Variants in DOCK2 observed in about 807,000 individuals in gnomAD.
The protein encoded by DOCK2 is dedicator of cytokinesis 2.
Under a neutral mutation model 248.9 loss-of-function variants are expected in DOCK2, and 87 were observed. The observed-to-expected ratio is 0.35, with a 90% confidence interval of 0.29 to 0.42. The LOEUF is 0.42. DOCK2 is among the 10% of genes least tolerant of loss of function. The pLI, the probability that DOCK2 is intolerant of heterozygous loss-of-function variation, is 1.00. For missense variants in DOCK2, 1,747 were observed against 2,300.2 expected (o/e 0.76, Z 4.92); for synonymous variants, 805 against 821.6 (o/e 0.98, Z 0.35).
chr5:169,890,725 C>T (rs1773231966), intron 27 of DOCK2, among the ~76,000 whole-genome samples: 1 of 152,054 alleles, frequency 6.6e-6, no homozygotes, highest in African/African-American at 2.4e-5. Context: ...TATTTGGGAC[C>T]CTGAAAGATG....
chr5:169,725,528 CTT>C lies in DOCK2; in HGVS notation c.2267+6738_2267+6739del, dbSNP rs577198891. Reference sequence around the variant, plus strand: ...TTATTTTTCTTTTTTAAAATTATATCTTAAGTTCTAGGGTACATGTGCACAAA... The same window carrying C: ...TTATTTTTCTTTTTTAAAATTATATCAAGTTCTAGGGTACATGTGCACAAA... On this transcript the variant is annotated intron_variant, in intron 22 of 51. Transcript: ENST00000520908. Among the ~76,000 whole-genome samples the C allele has an allele frequency of 4.4e-3, 665 of 151,646 alleles. 3 individuals carry two copies. Among genetic ancestry groups the C allele is most frequent in the Non-Finnish European group, 6.3e-3 (427 of 67,900 alleles).
At chr5:169,640,149 T>C (rs1757071579) in intron 1 of DOCK2, among the ~76,000 whole-genome samples, 1 of 152,244 alleles carries the variant, frequency 6.6e-6, no homozygotes, top group Non-Finnish European at 1.5e-5. Flanking sequence ...TCTCCGAATA[T>C]GCACTTATCT....
At chr5:169,875,425 C>A in intron 27 of DOCK2, 1 of 397,916 alleles carries the variant, frequency 2.5e-6, no homozygotes, top group Non-Finnish European at 5.0e-6. Flanking sequence ...CTGAGTGGAA[C>A]TCAGTGACAA....
chr5:169,808,798 A>G (rs1456274776), intron 26 of DOCK2, among the ~76,000 whole-genome samples: 1 of 152,060 alleles, frequency 6.6e-6, no homozygotes, highest in Non-Finnish European at 1.5e-5. Flanking sequence ...GTTGTTTGCT[A>G]CTCTGCTTAG....
intron 27 of DOCK2, among the ~76,000 whole-genome samples, chr5:169,860,070 A>C (rs539909073): frequency 2.8e-5 from 4 of 144,500 alleles, no homozygotes; most frequent in African/African-American, 1.0e-4. Context: ...GGTTTAAGCT[A>C]TCCTCCTGCC....
intron 2 of DOCK2, among the ~76,000 whole-genome samples, chr5:169,659,289 A>G (rs953474085): frequency 6.6e-6 from 1 of 152,134 alleles, no homozygotes; most frequent in Non-Finnish European, 1.5e-5. Flanking sequence ...TAGGTTTCTC[A>G]TCTGTTAAGT....
intron 28 of DOCK2, among the ~76,000 whole-genome samples, chr5:169,984,081 A>G (rs972534756): frequency 3.9e-5 from 6 of 152,216 alleles, no homozygotes; most frequent in African/African-American, 1.4e-4. Flanking sequence ...ATGATTGAAC[A>G]TACACATTTT....
chr5:169,880,888 A>G lies in DOCK2; in HGVS notation c.2799+40036A>G, dbSNP rs369128956. Among the ~76,000 whole-genome samples the G allele has an allele frequency of 1.3e-3, 200 of 152,354 alleles. 5 individuals carry two copies. In the South Asian group the frequency reaches 0.04, roughly 30 times the overall value. ...GGAAATGACATACTTAGAAATGAAC[A>G]TAAAGTTCTTATCATGGTTCTTGAC... On this transcript the variant is annotated intron_variant, in intron 27 of 51. Coordinates refer to ENST00000520908, the MANE Select transcript of DOCK2 (RefSeq NM_004946.3).
chr5:170,045,571 G>A (rs962339229), intron 38 of DOCK2, among the ~76,000 whole-genome samples: 2 of 152,298 alleles, frequency 1.3e-5, no homozygotes, highest in East Asian at 1.9e-4. Flanking sequence ...ATCAGAGCAC[G>A]TAAATAAAGG....
At chr5:169,762,732 C>A (rs909527855) in intron 25 of DOCK2, among the ~76,000 whole-genome samples, 22 of 152,318 alleles carry the variant, frequency 1.4e-4, no homozygotes, top group African/African-American at 5.1e-4. Context: ...TAAGACCCAG[C>A]CTCTCCAATT....
chr5:169,767,846 C>T (rs1283210977), intron 25 of DOCK2, among the ~76,000 whole-genome samples: 1 of 152,020 alleles, frequency 6.6e-6, no homozygotes, highest in African/African-American at 2.4e-5. Flanking sequence ...AACCTAATGG[C>T]CTAGAAAGTT....
intron 30 of DOCK2, among the ~76,000 whole-genome samples, chr5:170,003,089 A>T (rs1044899287): frequency 1.3e-5 from 2 of 152,230 alleles, no homozygotes; most frequent in South Asian, 4.1e-4. Context: ...TGTGGAGCTT[A>T]CAATTGGAGA....
chr5:169,953,958 G>C (rs549350756), intron 27 of DOCK2, among the ~76,000 whole-genome samples: 1 of 152,178 alleles, frequency 6.6e-6, no homozygotes, highest in Non-Finnish European at 1.5e-5. Flanking sequence ...TTAATGCATG[G>C]CAAAGGCTTC....
intron 25 of DOCK2, among the ~76,000 whole-genome samples, chr5:169,791,378 A>T (rs1002132254): frequency 1.3e-5 from 2 of 152,188 alleles, no homozygotes; most frequent in Non-Finnish European, 1.5e-5. Context: ...TGGACTAAAG[A>T]CTCAACCACT....
intron 26 of DOCK2, among the ~76,000 whole-genome samples, chr5:169,827,988 C>T (rs1232270715): frequency 6.6e-6 from 1 of 152,070 alleles, no homozygotes; most frequent in South Asian, 2.1e-4. Flanking sequence ...AGGAGAAATG[C>T]CCTTGTCCTA....
intron 27 of DOCK2, among the ~76,000 whole-genome samples, chr5:169,859,890 T>A (rs1031473908): frequency 1.3e-5 from 2 of 152,112 alleles, no homozygotes. Flanking sequence ...TATGTGCCCA[T>A]GTGCTCTTTT....
chr5:169,997,939 T>C (rs1214757401), intron 30 of DOCK2: 1 of 456,370 alleles, frequency 2.2e-6, no homozygotes, highest in South Asian at 1.5e-5. Context: ...GTGAGTCATC[T>C]GTAAAATGCA....
At chr5:169,839,057 A>G (rs1157979066) in intron 26 of DOCK2, among the ~76,000 whole-genome samples, 1 of 152,170 alleles carries the variant, frequency 6.6e-6, no homozygotes, top group Non-Finnish European at 1.5e-5. Flanking sequence ...AGCTTGCTGG[A>G]GTACTTGTAA....
At chr5:170,070,675 G>A (rs1378155355) in intron 46 of DOCK2, among the ~76,000 whole-genome samples, 6 of 152,206 alleles carry the variant, frequency 3.9e-5, no homozygotes, top group Non-Finnish European at 7.3e-5. Context: ...CCTCAGGGAA[G>A]GCTAACATGT....
Sources: allele counts gnomAD v4.1 joint callset (sites outside exome capture counted in the v4.1 genomes callset), GRCh38; gene constraint gnomAD v4.1.1; transcripts MANE v1.5; gene names NCBI Gene and HGNC (gene_info 2026-07-23, HGNC 2026-07-21).